The following KAZN variants were observed in gnomAD, a reference collection of about 807,000 sequenced individuals.
The protein encoded by KAZN is kazrin, periplakin interacting protein, also known as kazrin.
In KAZN, 40 loss-of-function variants were observed where a neutral mutation model predicts 87.4. That is an observed-to-expected ratio of 0.46 (90% CI 0.36 to 0.60). The LOEUF (loss-of-function observed/expected upper bound fraction) is 0.60. Among genes scored for constraint, KAZN ranks in the 20% least tolerant of loss-of-function variants. The pLI is 0.00. For missense variants in KAZN, 898 were observed against 1,073.9 expected (o/e 0.84, Z 2.29); for synonymous variants, 466 against 458.3 (o/e 1.02, Z -0.22).
chr1:14,865,570 CA>C, intron 1 of KAZN, among the ~76,000 whole-genome samples: 1 of 152,242 alleles, frequency 6.6e-6, no homozygotes, highest in African/African-American at 2.4e-5. Flanking sequence ...CCCCCTCCAC[CA>C]AAAGCCAGAG....
intron 7 of KAZN, 107 bp from the exon 8 acceptor site, chr1:15,065,523 G>C: frequency 1.0e-6 from 1 of 985,274 alleles, no homozygotes; most frequent in East Asian, 2.4e-5. Flanking sequence ...TTAAAGCTCA[G>C]AGAGGCCTTC....
intron 1 of KAZN, among the ~76,000 whole-genome samples, chr1:13,949,899 C>T (rs1641282138): frequency 6.6e-6 from 1 of 152,204 alleles, no homozygotes; most frequent in Admixed American, 6.5e-5. Flanking sequence ...TGGGAGGATT[C>T]CCACTGCAAC....
chr1:14,273,988 A>G (rs1335397471), intron 2 of KAZN, among the ~76,000 whole-genome samples: 1 of 152,226 alleles, frequency 6.6e-6, no homozygotes, highest in Non-Finnish European at 1.5e-5. Context: ...TATCTAATGA[A>G]GTTCTCCCAT....
chr1:15,062,757 C>T (rs902012883), intron 6 of KAZN: 2 of 152,242 alleles, frequency 1.3e-5, no homozygotes, highest in African/African-American at 4.8e-5. Flanking sequence ...GTAGTGAAGG[C>T]TTTTGTACAC....
intron 2 of KAZN, among the ~76,000 whole-genome samples, chr1:14,301,632 G>C (rs962578798): frequency 2.6e-5 from 4 of 152,222 alleles, no homozygotes; most frequent in Non-Finnish European, 4.4e-5. Flanking sequence ...AGCAGATGAG[G>C]GAAGACATAT....
intron 2 of KAZN, among the ~76,000 whole-genome samples, chr1:14,507,983 A>G (rs1048418364): frequency 6.6e-6 from 1 of 151,790 alleles, no homozygotes; most frequent in Non-Finnish European, 1.5e-5. Flanking sequence ...ATAAATAAAA[A>G]AAAAAAAAAT....
chr1:14,806,856 C>T (rs959580467), intron 1 of KAZN, among the ~76,000 whole-genome samples: 1 of 152,222 alleles, frequency 6.6e-6, no homozygotes, highest in Admixed American at 6.5e-5. Context: ...TGTACCCACT[C>T]TGCAGGAGCA....
At chr1:14,264,468 A>G (rs1372223791) in intron 2 of KAZN, among the ~76,000 whole-genome samples, 5 of 152,192 alleles carry the variant, frequency 3.3e-5, no homozygotes, top group African/African-American at 9.7e-5. Context: ...CTGCCCTCAC[A>G]AATAGATTAA....
intron 1 of KAZN, among the ~76,000 whole-genome samples, chr1:14,938,496 C>T (rs979529762): frequency 6.7e-5 from 10 of 149,562 alleles, no homozygotes; most frequent in African/African-American, 2.2e-4. Context: ...GAACCAAGAT[C>T]GCACCACTGC....
At chr1:14,943,739 C>T (rs992739185) in intron 1 of KAZN, among the ~76,000 whole-genome samples, 4 of 152,356 alleles carry the variant, frequency 2.6e-5, no homozygotes, top group African/African-American at 9.6e-5. Flanking sequence ...GCTGCTTAGA[C>T]GGCATCGCCT....
At chr1:15,088,065 C>T (rs990127008) in intron 8 of KAZN, among the ~76,000 whole-genome samples, 5 of 152,178 alleles carry the variant, frequency 3.3e-5, no homozygotes, top group Non-Finnish European at 7.3e-5. Context: ...CTAGGCCAGG[C>T]GTTTCTCTAT....
intron 2 of KAZN, among the ~76,000 whole-genome samples, chr1:14,412,295 T>C (rs904764696): frequency 2.0e-5 from 3 of 152,236 alleles, no homozygotes; most frequent in Non-Finnish European, 4.4e-5. Context: ...CTATATGCTC[T>C]ATGCTTTTAT....
chr1:14,986,002 CA>C (rs56725513), intron 2 of KAZN, among the ~76,000 whole-genome samples: 803 of 56,732 alleles, frequency 0.014, 4 homozygotes, highest in East Asian at 0.13. Flanking sequence ...GACTCTGTCT[CA>C]AAAAAAAAAA....
chr1:15,031,839 G>A (rs1211842707), intron 2 of KAZN, among the ~76,000 whole-genome samples: 2 of 152,216 alleles, frequency 1.3e-5, no homozygotes, highest in Middle Eastern at 3.4e-3. Context: ...TCGAGCTCCT[G>A]GACTCAAGCA....
At chr1:14,564,132 T>C (rs1276133992) in intron 2 of KAZN, among the ~76,000 whole-genome samples, 2 of 152,214 alleles carry the variant, frequency 1.3e-5, no homozygotes, top group African/African-American at 4.8e-5. Context: ...ACTTAAGTCC[T>C]ACCTTCCTAT....
At chr1:15,011,572 G>A (rs959237529) in intron 2 of KAZN, among the ~76,000 whole-genome samples, 5 of 152,090 alleles carry the variant, frequency 3.3e-5, no homozygotes, top group African/African-American at 1.2e-4. Flanking sequence ...CATGGCCTGT[G>A]TTACCTACTT....
chr1:14,045,128 A>T (rs908362083), intron 1 of KAZN, among the ~76,000 whole-genome samples: 4 of 152,198 alleles, frequency 2.6e-5, no homozygotes, highest in African/African-American at 9.7e-5. Context: ...CAGCCACCTC[A>T]GCTGAGACCA....
chr1:14,206,111 A>G (rs771606131), intron 2 of KAZN, among the ~76,000 whole-genome samples: 2 of 152,116 alleles, frequency 1.3e-5, no homozygotes, highest in Non-Finnish European at 2.9e-5. Flanking sequence ...TGAGTTATCA[A>G]GGGAATTATT....
chr1:14,128,867 C>T (rs1644930660), intron 1 of KAZN, among the ~76,000 whole-genome samples: 1 of 152,142 alleles, frequency 6.6e-6, no homozygotes. Context: ...ATCTTCAACC[C>T]TTCAACCCAT....
Sources: gnomAD v4.1 joint callset for allele counts (sites outside exome capture counted in the v4.1 genomes callset) on GRCh38, gnomAD v4.1.1 for gene constraint, MANE v1.5 for transcripts, NCBI Gene and HGNC (gene_info 2026-07-23, HGNC 2026-07-21) for gene names.